The following TMEM131L variants were observed in gnomAD, a reference collection of about 807,000 sequenced individuals.
The protein encoded by TMEM131L is transmembrane 131 like.
Under a neutral mutation model 192.2 loss-of-function variants are expected in TMEM131L, and 54 were observed. The ratio of observed to expected loss-of-function variants is 0.28; its 90% confidence interval spans 0.23 to 0.35. The LOEUF (loss-of-function observed/expected upper bound fraction) is 0.35. TMEM131L is among the 10% of genes least tolerant of loss of function. TMEM131L has a pLI of 1.00. For synonymous variants in TMEM131L, 701 were observed against 704.9 expected (o/e 0.99, Z 0.09); for missense variants, 1,888 against 1,972.9 (o/e 0.96, Z 0.82).
At chr4:153,487,126 A>C (rs1481644308) in intron 3 of TMEM131L, among the ~76,000 whole-genome samples, 1 of 152,242 alleles carries the variant, frequency 6.6e-6, no homozygotes, top group African/African-American at 2.4e-5. Flanking sequence ...GCTCTGATGC[A>C]CGCTCAAGTT....
chr4:153,482,079 C>T (rs946822915), intron 3 of TMEM131L, among the ~76,000 whole-genome samples: 6 of 151,602 alleles, frequency 4.0e-5, no homozygotes, highest in Admixed American at 2.6e-4. Context: ...CTCTTGACCT[C>T]GTCATCTGCC....
At chr4:153,574,402 G>A (rs760105260) in intron 7 of TMEM131L, among the ~76,000 whole-genome samples, 1 of 152,138 alleles carries the variant, frequency 6.6e-6, no homozygotes, top group Non-Finnish European at 1.5e-5. Flanking sequence ...ACTCAGCTGA[G>A]CCTGCTGTTA....
chr4:153,595,679 C>T (rs1455933363), intron 19 of TMEM131L, among the ~76,000 whole-genome samples: 3 of 149,778 alleles, frequency 2.0e-5, no homozygotes, highest in African/African-American at 7.4e-5. Context: ...AAGAATTAAA[C>T]CTTGGATACT....
At chr4:153,537,379 A>G (rs972026095) in intron 3 of TMEM131L, among the ~76,000 whole-genome samples, 1 of 152,260 alleles carries the variant, frequency 6.6e-6, no homozygotes, top group Non-Finnish European at 1.5e-5. Flanking sequence ...AGTGCAAAGC[A>G]AAAGCAGGTT....
intron 4 of TMEM131L, among the ~76,000 whole-genome samples, chr4:153,551,728 G>T (rs1390140040): frequency 6.6e-6 from 1 of 152,074 alleles, no homozygotes; most frequent in Non-Finnish European, 1.5e-5. Flanking sequence ...AGAGAAAACT[G>T]GGAGTTTGCC....
At chr4:153,481,830 G>T (rs1192173263) in intron 3 of TMEM131L, among the ~76,000 whole-genome samples, 1 of 152,116 alleles carries the variant, frequency 6.6e-6, no homozygotes, top group Non-Finnish European at 1.5e-5. Context: ...GAGCCACTGC[G>T]CCTGGCCCAG....
Position 153,603,409 on chromosome 4 carries a change from C to A in TMEM131L, c.2746C>A (p.Gln916Lys). The change falls in exon 24 of 35, where the codon CAA becomes AAA. Residue 916 changes from glutamine to lysine, a missense_variant. By Grantham distance (53) the Gln-to-Lys change is moderately conservative. Transcript: ENST00000409959. ...GCAAAATGCTAGCTCCTCTTCACAG[C>A]AAAACAATGGTCCTATGGATGTAAT... is the stretch of plus-strand genomic sequence containing the variant. The part of the protein sequence containing the change: ...QRQNASSSSQ[Q>K]NNGPMDVISP... 4 of 1,614,068 alleles carry A rather than the reference C, an allele frequency of 2.5e-6. No homozygotes were observed. Among genetic ancestry groups the A allele is most frequent in the Non-Finnish European group, 3.4e-6 (4 of 1,179,968 alleles).
intron 7 of TMEM131L, among the ~76,000 whole-genome samples, chr4:153,559,613 C>G (rs1728714907): frequency 6.6e-6 from 1 of 152,114 alleles, no homozygotes; most frequent in Non-Finnish European, 1.5e-5. Flanking sequence ...CTCTCATCCC[C>G]CTGGCCTGGC....
intron 3 of TMEM131L, among the ~76,000 whole-genome samples, chr4:153,479,043 C>T (rs1349484011): frequency 2.0e-5 from 3 of 152,174 alleles, no homozygotes; most frequent in African/African-American, 4.8e-5. Context: ...GTAAAGGAAG[C>T]GCTGATGTCT....
chr4:153,508,258 T>G (rs1450255082), intron 3 of TMEM131L, among the ~76,000 whole-genome samples: 1 of 152,210 alleles, frequency 6.6e-6, no homozygotes, highest in Non-Finnish European at 1.5e-5. Flanking sequence ...CCCAACTCTA[T>G]GTTGTGTTTA....
intron 7 of TMEM131L, among the ~76,000 whole-genome samples, chr4:153,577,247 T>C (rs1730014650): frequency 6.6e-6 from 1 of 152,160 alleles, no homozygotes; most frequent in Non-Finnish European, 1.5e-5. Context: ...CGGAGTTTTA[T>C]AGCGACAGCA....
At chr4:153,513,082 G>A (rs1191076624) in intron 3 of TMEM131L, among the ~76,000 whole-genome samples, 2 of 152,148 alleles carry the variant, frequency 1.3e-5, no homozygotes, top group African/African-American at 4.8e-5. Flanking sequence ...TAGAGAGGTT[G>A]GGGAGGCATA....
Position 153,603,930 on chromosome 4 carries a change from G to T in TMEM131L, c.2918G>T (p.Gly973Val), listed in dbSNP as rs1732029855. ...GCAAAGAGGAGCCCAGCCACCTATG[G>T]TCATTCTCAGAAGAAGCACAAATGC... ...NAAKRSPATYGHSQKKHKCSV... is the reference protein window; with the variant it reads ...NAAKRSPATYVHSQKKHKCSV... The change falls in exon 25 of 35, where the codon GGT (glycine) becomes GTT (valine). Residue 973 changes from glycine to valine, a missense_variant. Coordinates refer to ENST00000409959, the MANE Select transcript of TMEM131L (RefSeq NM_001131007.2). 6.2e-7 allele frequency: 1 copy of T among 1,613,920 alleles called. No individual in the cohort carries two copies. Among genetic ancestry groups the T allele is most frequent in the Non-Finnish European group, 8.5e-7 (1 of 1,179,974 alleles).
intron 20 of TMEM131L, among the ~76,000 whole-genome samples, chr4:153,598,018 C>A (rs1477138489): frequency 6.6e-6 from 1 of 151,954 alleles, no homozygotes; most frequent in Non-Finnish European, 1.5e-5. Flanking sequence ...ACATGCTAGT[C>A]TGAATTACTA....
At chr4:153,544,690 T>G (rs1482278364) in intron 3 of TMEM131L, among the ~76,000 whole-genome samples, 2 of 152,226 alleles carry the variant, frequency 1.3e-5, no homozygotes, top group African/African-American at 4.8e-5. Context: ...AGCTGCTCAT[T>G]GAGGCCCACT....
chr4:153,528,265 C>T (rs1735644300), intron 3 of TMEM131L, among the ~76,000 whole-genome samples: 1 of 152,186 alleles, frequency 6.6e-6, no homozygotes, highest in Non-Finnish European at 1.5e-5. Flanking sequence ...GAACAGAGCG[C>T]AAGACTGCGT....
Position 153,602,710 on chromosome 4 carries a change from C to T in TMEM131L, c.2622C>T (p.Leu874=). 6.2e-7 allele frequency: 1 copy of T among 1,613,990 alleles called. No individual in the cohort carries two copies. Among genetic ancestry groups the T allele is most frequent in the Non-Finnish European group, 8.5e-7 (1 of 1,179,940 alleles). ...GPSWEESFWR[L]TVFFVSLSLL... Reference sequence around the variant, plus strand: ...GCTGGGAGGAGTCATTTTGGAGGCTCACGGTCTTCTTTGTCAGGTAAACCA... The same window carrying T: ...GCTGGGAGGAGTCATTTTGGAGGCTTACGGTCTTCTTTGTCAGGTAAACCA... The change falls in exon 23 of 35, where the codon CTC becomes CTT. Residue 874 remains leucine, a synonymous_variant. Coordinates refer to ENST00000409959, the MANE Select transcript of TMEM131L (RefSeq NM_001131007.2).
chr4:153,545,121 G>A (rs559628926), intron 3 of TMEM131L, among the ~76,000 whole-genome samples: 3 of 152,124 alleles, frequency 2.0e-5, no homozygotes, highest in Admixed American at 2.0e-4. Context: ...AGAAATCTGG[G>A]CATCTACATG....
intron 3 of TMEM131L, among the ~76,000 whole-genome samples, chr4:153,533,464 A>G (rs1736073911): frequency 6.6e-6 from 1 of 152,126 alleles, no homozygotes; most frequent in Non-Finnish European, 1.5e-5. Context: ...AAATTACTCT[A>G]GGTTTTGATT....
Sources: allele counts gnomAD v4.1 joint callset (sites outside exome capture counted in the v4.1 genomes callset), GRCh38; gene constraint gnomAD v4.1.1; transcripts MANE v1.5; gene names NCBI Gene and HGNC (gene_info 2026-07-23, HGNC 2026-07-21).